The following DLGAP3 variants were observed in gnomAD, a reference collection of about 807,000 sequenced individuals.
The protein encoded by DLGAP3 is DLG associated protein 3.
In DLGAP3, 17 loss-of-function variants were observed where a neutral mutation model predicts 81.2. The observed-to-expected ratio is 0.21, with a 90% CI of 0.14 to 0.31. The LOEUF is 0.31. Ranked by LOEUF, DLGAP3 falls within the 10% of genes least tolerant of loss-of-function variation. The pLI is 1.00. For synonymous variants in DLGAP3, 577 were observed against 587.4 expected, an observed-to-expected ratio of 0.98 and a Z score of 0.26; for missense variants, 1,124 against 1,388.0, an observed-to-expected ratio of 0.81 and a Z score of 3.02.
In DLGAP3 at chr1:34,877,758, G is replaced by A. The variant is rs372226413; in HGVS notation, c.2000+7220C>T. ...CGTTATTAGGAAAATATGAAATTAA[G>A]TATATCTGTCAAATGTTTAAGGGAA... is the stretch of plus-strand genomic sequence containing the variant. On this transcript the variant is annotated intron_variant, in intron 8 of 11. Transcript: ENST00000373347. Among the ~76,000 whole-genome samples the A allele has an allele frequency of 3.3e-5, 5 of 152,178 alleles. No individual in the cohort carries two copies. In the South Asian group the frequency reaches 6.2e-4, roughly 19 times the overall value.
chr1:34,882,017 A>G lies in DLGAP3; in HGVS notation c.2000+2961T>C, dbSNP rs556714053. Reference sequence around the variant, plus strand: ...CTATTCAATGCAATATTACAAGAAAAATAAATGAAAATACAGATTTAAAAG... The same window carrying G: ...CTATTCAATGCAATATTACAAGAAAGATAAATGAAAATACAGATTTAAAAG... On this transcript the variant is annotated intron_variant, in intron 8 of 11. Coordinates refer to ENST00000373347, the MANE Select transcript of DLGAP3 (RefSeq NM_001080418.3). Among the ~76,000 whole-genome samples the G allele has an allele frequency of 2.6e-5, 4 of 152,328 alleles. No homozygotes were observed. The South Asian group carries it at 6.2e-4, about 24-fold the overall frequency.
intron 5 of DLGAP3, among the ~76,000 whole-genome samples, chr1:34,898,766 G>A (rs555897987): frequency 1.2e-4 from 19 of 152,306 alleles, no homozygotes; most frequent in Non-Finnish European, 2.1e-4. Flanking sequence ...CCCATCTCAT[G>A]TGTTTAATCA....
chr1:34,918,486 A>T (rs1255956567), intron 1 of DLGAP3, among the ~76,000 whole-genome samples: 2 of 152,286 alleles, frequency 1.3e-5, no homozygotes, highest in East Asian at 3.9e-4. Context: ...ACACAGGTTC[A>T]CCTGCTACCC....
rs1352919540 is a variant in DLGAP3, at chr1:34,900,410, G to C, written c.1108-137C>G. Reference sequence around the variant, plus strand: ...CTCAGGTACATGCAGAGGCAGAAGGGGAGGTAGGGTCTCAGGCTGTCCCCG... The same window carrying C: ...CTCAGGTACATGCAGAGGCAGAAGGCGAGGTAGGGTCTCAGGCTGTCCCCG... On this transcript the variant is annotated intron_variant, in intron 3 of 11. Coordinates refer to ENST00000373347, the MANE Select transcript of DLGAP3 (RefSeq NM_001080418.3). The surrounding 1 kb of genome is among the most constrained non-coding windows in gnomAD (Gnocchi z 5.6). 2 of 878,350 alleles carry C rather than the reference G, an allele frequency of 2.3e-6. No individual in the cohort carries two copies. The highest frequency in any genetic ancestry group is 3.7e-6 in the Non-Finnish European group (2 of 541,298). 54.4% of individuals were successfully genotyped at this position (878,350 alleles called of 1,614,324 possible).
intron 5 of DLGAP3, among the ~76,000 whole-genome samples, chr1:34,894,049 A>G (rs918342132): frequency 5.3e-5 from 8 of 152,242 alleles, no homozygotes; most frequent in Non-Finnish European, 2.9e-5. Context: ...TTAGCCAGGC[A>G]TGGTGGTATG....
intron 8 of DLGAP3, among the ~76,000 whole-genome samples, chr1:34,870,830 C>T (rs546759679): frequency 3.3e-5 from 5 of 152,324 alleles, no homozygotes; most frequent in East Asian, 1.9e-4. Flanking sequence ...AGGAAGAGCA[C>T]GGGGCCAGGA....
chr1:34,865,980 G>A lies in DLGAP3; in HGVS notation c.*103C>T. 1.9e-6 allele frequency: 2 copies of A among 1,028,858 alleles called. No individual in the cohort carries two copies. Among genetic ancestry groups the A allele is most frequent in the Non-Finnish European group, 1.4e-6 (1 of 703,082 alleles). 63.7% of individuals were successfully genotyped at this position (1,028,858 alleles called of 1,614,324 possible). A position where few individuals can be genotyped will look rare whatever the true frequency, so the allele number is the denominator to read the frequency against. On this transcript the variant is annotated 3_prime_UTR_variant, in exon 12 of 12. Coordinates refer to ENST00000373347, the MANE Select transcript of DLGAP3 (RefSeq NM_001080418.3). ...GGGCCGGGGCGTCCGGTGCCGGTGG[G>A]GCGGGCGCACGGGGCGGCCCGCGTT...
In DLGAP3 at chr1:34,885,547, G is replaced by A. The variant is rs1246706464; in HGVS notation, c.1845C>T (p.Thr615=). 9 of 1,608,574 alleles carry A rather than the reference G, an allele frequency of 5.6e-6. No individual in the cohort carries two copies. Among genetic ancestry groups the A allele is most frequent in the Non-Finnish European group, 7.6e-6 (9 of 1,179,772 alleles). ...TCCGCAGCTCCTCCCTGCCAGGGATGGTCTTGATGATGAGTGTGGGGGGCT... is the reference window on the plus strand; with the variant it reads ...TCCGCAGCTCCTCCCTGCCAGGGATAGTCTTGATGATGAGTGTGGGGGGCT... ...SPKPPTLIIK[T]IPGREELRSL... The change falls in exon 7 of 12, where the codon ACC becomes ACT. Residue 615 remains threonine (T), a synonymous_variant. Coordinates refer to ENST00000373347, the MANE Select transcript of DLGAP3 (RefSeq NM_001080418.3).
In DLGAP3 at chr1:34,865,800, C is replaced by G; in HGVS notation, c.*283G>C. 1.9e-6 allele frequency: 1 copy of G among 523,562 alleles called. No individual in the cohort carries two copies. Among genetic ancestry groups the G allele is most frequent in the Non-Finnish European group, 3.4e-6 (1 of 292,460 alleles). 32.4% of individuals were successfully genotyped at this position (523,562 alleles called of 1,614,324 possible). On this transcript the variant is annotated 3_prime_UTR_variant, in exon 12 of 12. Transcript: ENST00000373347. ...GGGGGAAAGAATGGCAGAGATGGTG[C>G]CCATGGGGAGGAGGTGGGGACAAAG... is the stretch of plus-strand genomic sequence containing the variant.
In DLGAP3 at chr1:34,867,703, G is replaced by A; in HGVS notation, c.2486-76C>T. On this transcript the variant is annotated intron_variant, in intron 9 of 11. Transcript: ENST00000373347. The surrounding 1 kb of genome is among the most constrained non-coding windows in gnomAD (Gnocchi z 4.3). Reference sequence around the variant, plus strand: ...AGCCTCCACGAAGTCTGCCCTGAATGACGCTGACCCCTCGGTTGCTTGGCA... The same window carrying A: ...AGCCTCCACGAAGTCTGCCCTGAATAACGCTGACCCCTCGGTTGCTTGGCA... The A allele has an allele frequency of 8.2e-7, 1 of 1,226,390 alleles. No individual in the cohort carries two copies. Among genetic ancestry groups the A allele is most frequent in the Non-Finnish European group, 1.2e-6 (1 of 832,904 alleles). The allele number at this position is 1,226,390 out of a possible 1,614,324, so 76.0% of individuals were successfully genotyped here.
intron 1 of DLGAP3, among the ~76,000 whole-genome samples, chr1:34,917,506 C>T (rs1639736237): frequency 6.6e-6 from 1 of 152,054 alleles, no homozygotes; most frequent in South Asian, 2.1e-4. Context: ...TACCACCGTG[C>T]CTGGCTAATT....
At chr1:34,870,467 G>A (rs541210782) in intron 8 of DLGAP3, among the ~76,000 whole-genome samples, 18 of 152,046 alleles carry the variant, frequency 1.2e-4, no homozygotes, top group African/African-American at 1.7e-4. Context: ...CCCAACCCCC[G>A]CAACTTCAGC....
At position 34,906,586 on chromosome 1, in the gene DLGAP3, C is replaced by T. The variant is rs573748779; in HGVS notation, c.-52+769G>A. Among the ~76,000 whole-genome samples the T allele has an allele frequency of 5.3e-5, 8 of 152,286 alleles. 1 individual carries two copies. The South Asian group carries it at 1.7e-3, about 32-fold the overall frequency. On this transcript the variant is annotated intron_variant, in intron 2 of 11. Transcript: ENST00000373347. The stretch of plus-strand genomic sequence containing the variant: ...TCCAAATATTTTCCCTATGAAATTA[C>T]CCCTTTTGCCTTTTACCCCCACCCT...
chr1:34,911,029 C>CCA (rs1557496704), intron 1 of DLGAP3, among the ~76,000 whole-genome samples: 1 of 150,724 alleles, frequency 6.6e-6, no homozygotes, highest in African/African-American at 2.4e-5. Flanking sequence ...TCCACCCCCC[C>CCA]CCCACCACCT....
Position 34,869,058 on chromosome 1 carries a change from T to A in DLGAP3, c.2032A>T (p.Thr678Ser), listed in dbSNP as rs1248928126. 1.9e-6 allele frequency: 3 copies of A among 1,598,052 alleles called. No individual in the cohort carries two copies. The highest frequency in any genetic ancestry group is 2.5e-6 in the Non-Finnish European group (3 of 1,178,780). ...RARFKRSNSV[T>S]AGVQADLELE... ...TCCAGGTCTGCCTGCACGCCAGCCGTCACACTATTGGAGCGCTTGAACCTT... is the reference window on the plus strand; with the variant it reads ...TCCAGGTCTGCCTGCACGCCAGCCGACACACTATTGGAGCGCTTGAACCTT... The change falls in exon 9 of 12, where the codon ACG becomes TCG. Residue 678 changes from threonine (T) to serine (S), a missense_variant. This residue lies in a region of DLGAP3 where 379 missense variants were observed against 455.7 expected (regional missense o/e 0.83). Transcript: ENST00000373347.
At chr1:34,907,759 T>C (rs1639578522) in intron 1 of DLGAP3, among the ~76,000 whole-genome samples, 1 of 152,186 alleles carries the variant, frequency 6.6e-6, no homozygotes, top group Non-Finnish European at 1.5e-5. Context: ...CAAACATTTA[T>C]TGAACAGTTA....
intron 1 of DLGAP3, among the ~76,000 whole-genome samples, chr1:34,925,819 GGAA>G (rs1243139966): frequency 1.3e-5 from 2 of 152,110 alleles, no homozygotes; most frequent in African/African-American, 2.4e-5. Context: ...TTAACTGGAA[GGAA>G]GAAGAAGGAA....
At position 34,893,096 on chromosome 1, in the gene DLGAP3, C is replaced by T. The variant is rs183373820; in HGVS notation, c.1386+6573G>A. Among the ~76,000 whole-genome samples the T allele has an allele frequency of 9.8e-3, 1,475 of 150,314 alleles. 32 individuals are homozygous for T. Among genetic ancestry groups the T allele is most frequent in the African/African-American group, 0.034 (1,371 of 40,814 alleles). On this transcript the variant is annotated intron_variant, in intron 5 of 11. Coordinates refer to ENST00000373347, the MANE Select transcript of DLGAP3 (RefSeq NM_001080418.3). Reference sequence around the variant, plus strand: ...CTGAGGCAGGAGAATGGCGTGAACCCGGGAAGCGGAGCTTGCAGTGAGCCG... The same window carrying T: ...CTGAGGCAGGAGAATGGCGTGAACCTGGGAAGCGGAGCTTGCAGTGAGCCG...
chr1:34,866,239 C>A lies in DLGAP3; in HGVS notation c.2784G>T (p.Val928=). 6.3e-7 allele frequency: 1 copy of A among 1,575,132 alleles called. No homozygotes were observed. Among genetic ancestry groups the A allele is most frequent in the Non-Finnish European group, 8.6e-7 (1 of 1,163,812 alleles). Reference sequence around the variant, plus strand: ...CCACGGAGTCCAGGGAGCGCTCCTTCACCGGCACGCCCCGGCCCCGCAGGG... The same window carrying A: ...CCACGGAGTCCAGGGAGCGCTCCTTAACCGGCACGCCCCGGCCCCGCAGGG... ...KKPLRGRGVP[V]KERSLDSVDR... The change falls in exon 12 of 12, where the codon GTG becomes GTT. Residue 928 remains valine, a synonymous_variant. Coordinates refer to ENST00000373347, the MANE Select transcript of DLGAP3 (RefSeq NM_001080418.3).
Sources: allele counts gnomAD v4.1 joint callset (sites outside exome capture counted in the v4.1 genomes callset), GRCh38; gene constraint gnomAD v4.1.1; regional missense constraint gnomAD v4.1.1; non-coding constraint Gnocchi (gnomAD v3.1); transcripts MANE v1.5; gene names NCBI Gene and HGNC (gene_info 2026-07-23, HGNC 2026-07-21).